Variants in FGF13 observed in about 807,000 individuals in gnomAD.
The protein encoded by FGF13 is fibroblast growth factor homologous factor 2.
A neutral mutation model predicts 19.5 loss-of-function variants in FGF13; 2 were observed. The ratio of observed to expected loss-of-function variants is 0.10; its 90% confidence interval spans 0.04 to 0.32. The LOEUF is 0.32. Among genes scored for constraint, FGF13 ranks in the 10% least tolerant of loss-of-function variants. The pLI is 1.00. For missense variants in FGF13, 113 were observed against 192.7 expected, an observed-to-expected ratio of 0.59 and a Z score of 2.45; for synonymous variants, 72 against 76.9, an observed-to-expected ratio of 0.94 and a Z score of 0.33.
At chrX:139,198,394 T>TC (rs1405744996) in intron 1 of FGF13, among the ~76,000 whole-genome samples, 33 of 111,371 alleles carry the variant, frequency 3.0e-4, no homozygotes, top group Non-Finnish European at 3.8e-5. Flanking sequence ...ATCTGATGTC[T>TC]CTGCAGGCAG....
At chrX:138,925,106 C>A (rs140001165) in intron 1 of FGF13, among the ~76,000 whole-genome samples, 1,495 of 111,776 alleles carry the variant, frequency 0.013, 22 homozygotes, top group African/African-American at 0.047. Flanking sequence ...TTTCTGTTCC[C>A]ATTTGTTGAG....
At chrX:138,887,371 T>C (rs573871329) in intron 1 of FGF13, among the ~76,000 whole-genome samples, 2 of 111,851 alleles carry the variant, frequency 1.8e-5, no homozygotes, top group Admixed American at 9.5e-5. Flanking sequence ...CGTGCTAAGT[T>C]AGCACTATGG....
At chrX:138,751,898 A>T (rs1455416985) in intron 3 of FGF13, among the ~76,000 whole-genome samples, 1 of 111,984 alleles carries the variant, frequency 8.9e-6, no homozygotes, top group Non-Finnish European at 1.9e-5. Context: ...TTTATGCCTC[A>T]CAACAACCCC....
At chrX:139,039,595 A>C (rs2092262371) in intron 1 of FGF13, among the ~76,000 whole-genome samples, 1 of 111,731 alleles carries the variant, frequency 9.0e-6, no homozygotes, top group Non-Finnish European at 1.9e-5. Context: ...AGGTACAACT[A>C]AGGTAGTTTG....
chrX:139,001,022 A>G (rs2092070613), intron 1 of FGF13, among the ~76,000 whole-genome samples: 1 of 111,854 alleles, frequency 8.9e-6, no homozygotes, highest in Non-Finnish European at 1.9e-5. Context: ...GCCCTCAGAA[A>G]TAACATCACA....
chrX:139,067,247 A>C (rs886862241), intron 1 of FGF13, among the ~76,000 whole-genome samples: 2 of 111,329 alleles, frequency 1.8e-5, no homozygotes, highest in African/African-American at 6.5e-5. Flanking sequence ...CTCTCTCACC[A>C]CTCCTATTCA....
At chrX:139,066,519 C>T (rs2092357038) in intron 1 of FGF13, among the ~76,000 whole-genome samples, 1 of 111,812 alleles carries the variant, frequency 8.9e-6, no homozygotes, top group Admixed American at 9.5e-5. Flanking sequence ...TCAGAGAATA[C>T]TATAAACACC....
chrX:139,197,993 C>CA (rs57335781), intron 1 of FGF13, among the ~76,000 whole-genome samples: 2,229 of 22,679 alleles, frequency 0.098, 89 homozygotes, highest in Non-Finnish European at 0.13. Flanking sequence ...GACCCTACCT[C>CA]AAAAAAAAAA....
chrX:138,702,901 A>C, intron 3 of FGF13, 83 bp downstream of exon 3: 1 of 612,354 alleles, frequency 1.6e-6, no homozygotes, highest in Non-Finnish European at 2.7e-6. Context: ...GAAATCTGTA[A>C]TGATAACACA....
chrX:138,891,950 G>A (rs149222141), intron 1 of FGF13, among the ~76,000 whole-genome samples: 5 of 108,731 alleles, frequency 4.6e-5, no homozygotes, highest in Admixed American at 3.9e-4. Flanking sequence ...TCTTGTGATC[G>A]TGTAAGTTAA....
At chrX:139,046,841 T>C (rs1422702664) in intron 1 of FGF13, among the ~76,000 whole-genome samples, 1 of 111,379 alleles carries the variant, frequency 9.0e-6, no homozygotes, top group Non-Finnish European at 1.9e-5. Context: ...TATTTATAGG[T>C]TGAACAATAA....
At chrX:138,703,999 C>T (rs1462057275) in intron 2 of FGF13, among the ~76,000 whole-genome samples, 2 of 112,258 alleles carry the variant, frequency 1.8e-5, no homozygotes, top group African/African-American at 6.5e-5. Flanking sequence ...CAGGCGTGAG[C>T]CACCATGCCC....
At chrX:139,033,224 T>G (rs917928426) in intron 1 of FGF13, among the ~76,000 whole-genome samples, 1 of 110,717 alleles carries the variant, frequency 9.0e-6, no homozygotes, top group Non-Finnish European at 1.9e-5. Flanking sequence ...GAAAGGTAAG[T>G]TACATTTGAC....
At chrX:138,660,356 T>G (rs1277528346) in intron 3 of FGF13, among the ~76,000 whole-genome samples, 3 of 111,979 alleles carry the variant, frequency 2.7e-5, no homozygotes, top group African/African-American at 9.7e-5. Context: ...TTTACCCAGC[T>G]GTATATTGTG....
At chrX:138,669,708 C>G (rs2089592936) in intron 3 of FGF13, among the ~76,000 whole-genome samples, 1 of 111,240 alleles carries the variant, frequency 9.0e-6, no homozygotes, top group South Asian at 3.8e-4. Context: ...TTCTTAATAT[C>G]TCTGGATTCC....
intron 1 of FGF13, among the ~76,000 whole-genome samples, chrX:139,112,971 AGTGT>A (rs748975156): frequency 0.082 from 7,205 of 87,606 alleles, 288 homozygotes; most frequent in African/African-American, 0.12. Context: ...TTGATTATGT[AGTGT>A]GTGTGTGTGT....
Position 138,968,467 on chromosome X carries a change from CT to C in FGF13, c.-112-103818del, listed in dbSNP as rs746076816. Among the ~76,000 whole-genome samples, 805 of 111,866 alleles carry C rather than the reference CT, an allele frequency of 7.2e-3. 12 individuals are homozygous for C. Among genetic ancestry groups the C allele is most frequent in the African/African-American group, 0.025 (773 of 30,845 alleles). Reference sequence around the variant, plus strand: ...CCCATCCCTCTCTCCTTTTTATTTCCTTTTTTCTGTCTTCCTCCTTTCTTCT... The same window carrying C: ...CCCATCCCTCTCTCCTTTTTATTTCCTTTTTCTGTCTTCCTCCTTTCTTCT... On this transcript the variant is annotated intron_variant, in intron 1 of 2. Transcript: ENST00000421460.
intron 1 of FGF13, among the ~76,000 whole-genome samples, chrX:139,116,293 C>A (rs2083639240): frequency 8.9e-6 from 1 of 112,092 alleles, no homozygotes; most frequent in South Asian, 3.6e-4. Flanking sequence ...CATTTTATGA[C>A]ATCAGGTTTA....
At chrX:138,736,028 C>A (rs185605468) in intron 1 of FGF13, among the ~76,000 whole-genome samples, 2 of 111,885 alleles carry the variant, frequency 1.8e-5, no homozygotes, top group East Asian at 5.7e-4. Context: ...TTGAGATATG[C>A]CTAAATTTTT....
Sources: gnomAD v4.1 joint callset for allele counts (sites outside exome capture counted in the v4.1 genomes callset) on GRCh38, gnomAD v4.1.1 for gene constraint, MANE v1.5 for transcripts, NCBI Gene and HGNC (gene_info 2026-07-23, HGNC 2026-07-21) for gene names.